The following ARPP19 variants were observed in gnomAD, a reference collection of about 807,000 sequenced individuals.
The protein encoded by ARPP19 is cAMP-regulated phosphoprotein 19.
Under a neutral mutation model 12.0 loss-of-function variants are expected in ARPP19, and 8 were observed. The observed-to-expected ratio is 0.67, with a 90% confidence interval of 0.39 to 1.21. The LOEUF (loss-of-function observed/expected upper bound fraction) is 1.21. Ranked by LOEUF, ARPP19 falls within the 50% of genes most tolerant of loss-of-function variation. The pLI, the probability that ARPP19 is intolerant of heterozygous loss-of-function variation, is 0.01. For synonymous variants in ARPP19, 47 were observed against 50.4 expected, an observed-to-expected ratio of 0.93 and a Z score of 0.29; for missense variants, 102 against 136.3, an observed-to-expected ratio of 0.75 and a Z score of 1.25.
intron 1 of ARPP19, among the ~76,000 whole-genome samples, chr15:52,561,005 T>A (rs188194374): frequency 3.3e-4 from 50 of 152,348 alleles, no homozygotes; most frequent in South Asian, 6.2e-4. Context: ...GTTCCTCTAT[T>A]CCTTCTAATA....
intron 1 of ARPP19, among the ~76,000 whole-genome samples, chr15:52,559,832 T>A (rs1245334657): frequency 6.6e-6 from 1 of 152,168 alleles, no homozygotes; most frequent in African/African-American, 2.4e-5. Flanking sequence ...GGCCTACTCT[T>A]GGGTTTCCCT....
At chr15:52,566,283 C>T (rs1442122091) in intron 1 of ARPP19, among the ~76,000 whole-genome samples, 3 of 152,198 alleles carry the variant, frequency 2.0e-5, no homozygotes, top group East Asian at 3.9e-4. Flanking sequence ...CTCAGTCTCC[C>T]GAGTAGCTGG....
intron 1 of ARPP19, among the ~76,000 whole-genome samples, chr15:52,564,412 A>G (rs2140251110): frequency 6.6e-6 from 1 of 152,316 alleles, no homozygotes; most frequent in African/African-American, 2.4e-5. Flanking sequence ...ACCCTGTCTC[A>G]AACATAACAA....
chr15:52,559,575 G>A (rs965257609), intron 1 of ARPP19, among the ~76,000 whole-genome samples: 1 of 152,160 alleles, frequency 6.6e-6, no homozygotes, highest in East Asian at 1.9e-4. Flanking sequence ...TGTCAAGGGT[G>A]ATTTTAGCTA....
At chr15:52,569,263 CT>C (rs1394863831), upstream of ARPP19, 4 of 302,354 alleles carry the variant, frequency 1.3e-5, no homozygotes, top group Admixed American at 6.0e-5. Flanking sequence ...CCTCCCCGCC[CT>C]TTCCTGTCCA....
At chr15:52,552,184 C>CTTT in intron 2 of ARPP19, 80 bp from the exon 3 acceptor site, 1 of 775,366 alleles carries the variant, frequency 1.3e-6, no homozygotes, top group Non-Finnish European at 2.2e-6. Flanking sequence ...CCATACTGTC[C>CTTT]GTATAAGGTT....
At chr15:52,565,351 T>G (rs1566898896) in intron 1 of ARPP19, among the ~76,000 whole-genome samples, 1 of 152,216 alleles carries the variant, frequency 6.6e-6, no homozygotes, top group Non-Finnish European at 1.5e-5. Flanking sequence ...AGTTTCCACT[T>G]GCCTCTTCTC....
At chr15:52,552,291 T>G (rs2077940391) in intron 2 of ARPP19, among the ~76,000 whole-genome samples, 187 bp from the exon 3 acceptor site, 1 of 151,950 alleles carries the variant, frequency 6.6e-6, no homozygotes, top group African/African-American at 2.4e-5. Context: ...CCCTTCAGAC[T>G]GGGCACAGTG....
chr15:52,556,387 C>T (rs1328443788), intron 2 of ARPP19, among the ~76,000 whole-genome samples: 6 of 152,040 alleles, frequency 3.9e-5, no homozygotes, highest in African/African-American at 1.4e-4. Context: ...CAGGACAATA[C>T]TTAGGGAACA....
chr15:52,566,021 A>C (rs1173526462), intron 1 of ARPP19, among the ~76,000 whole-genome samples: 1 of 151,478 alleles, frequency 6.6e-6, no homozygotes, highest in East Asian at 1.9e-4. Flanking sequence ...CACCCGGATA[A>C]TTTTTGTATT....
chr15:52,557,314 T>A, intron 1 of ARPP19, 92 bp from the exon 2 acceptor site: 1 of 1,040,652 alleles, frequency 9.6e-7, no homozygotes, highest in Non-Finnish European at 1.4e-6. Context: ...ATTCTAGTTG[T>A]TAAATGCCAA....
At chr15:52,566,955 C>T (rs1002888754) in intron 1 of ARPP19, among the ~76,000 whole-genome samples, 1 of 152,108 alleles carries the variant, frequency 6.6e-6, no homozygotes, top group African/African-American at 2.4e-5. Context: ...GGCAACCTAC[C>T]AGTAAACTAT....
rs957448915 is a variant in ARPP19, at chr15:52,548,313, C to G, written c.*3621G>C. 1.3e-5 allele frequency: 2 copies of G among 152,070 alleles called. No individual in the cohort carries two copies. 9.4% of individuals were successfully genotyped at this position (152,070 alleles called of 1,614,324 possible). ...ACCAGCCTGGCCAACATGGTGAAAC[C>G]CCATCTCTACTAAAAGTACAAAAAT... On this transcript the variant is annotated 3_prime_UTR_variant, in exon 3 of 3. Transcript: ENST00000249822.
chr15:52,561,756 T>C (rs2078034396), intron 1 of ARPP19, among the ~76,000 whole-genome samples: 1 of 151,378 alleles, frequency 6.6e-6, no homozygotes, highest in South Asian at 2.1e-4. Context: ...AGACTGTCCA[T>C]TTAAATCCAG....
intron 1 of ARPP19, among the ~76,000 whole-genome samples, chr15:52,565,214 G>A (rs950963794): frequency 1.3e-5 from 2 of 151,498 alleles, no homozygotes; most frequent in Admixed American, 6.6e-5. Context: ...TTTTAGAGAC[G>A]GGGTTTTGCT....
intron 1 of ARPP19, among the ~76,000 whole-genome samples, chr15:52,559,040 T>C (rs1049598756): frequency 6.6e-6 from 1 of 152,206 alleles, no homozygotes; most frequent in Non-Finnish European, 1.5e-5. Context: ...TCTTCATTTG[T>C]TGTTAGATCT....
chr15:52,565,865 AT>A (rs1270677715), intron 1 of ARPP19, among the ~76,000 whole-genome samples: 1 of 152,074 alleles, frequency 6.6e-6, no homozygotes, highest in Non-Finnish European at 1.5e-5. Context: ...ATTTTATTTT[AT>A]TTTTTTGAGA....
intron 1 of ARPP19, among the ~76,000 whole-genome samples, chr15:52,564,724 TA>T (rs112161312): frequency 4.1e-4 from 62 of 150,070 alleles, no homozygotes; most frequent in African/African-American, 1.4e-3. Flanking sequence ...ATTGAGATCT[TA>T]AAAAAAAAAT....
chr15:52,568,749 G>C, intron 1 of ARPP19, 99 bp downstream of exon 1: 1 of 788,314 alleles, frequency 1.3e-6, no homozygotes, highest in Non-Finnish European at 1.9e-6. Flanking sequence ...CATGCGCCTC[G>C]GCCCCGCATC....
Sources: allele counts gnomAD v4.1 joint callset (sites outside exome capture counted in the v4.1 genomes callset), GRCh38; gene constraint gnomAD v4.1.1; transcripts MANE v1.5; gene names NCBI Gene and HGNC (gene_info 2026-07-23, HGNC 2026-07-21).